LRIG1: variants seen among roughly 807,000 people sequenced by gnomAD.
LRIG1 encodes the protein leucine rich repeats and immunoglobulin like domains 1.
Under a neutral mutation model 99.2 loss-of-function variants are expected in LRIG1, and 48 were observed. That is an observed-to-expected ratio of 0.48 (90% CI 0.38 to 0.62). LRIG1 has a LOEUF of 0.62. Among genes scored for constraint, LRIG1 ranks in the 20% least tolerant of loss-of-function variants. The pLI, the probability that LRIG1 is intolerant of heterozygous loss-of-function variation, is 0.00. For missense variants in LRIG1, 1,646 were observed against 1,434.4 expected (o/e 1.15, Z -2.38); for synonymous variants, 772 against 596.1 (o/e 1.29, Z -4.30).
chr3:66,500,375 G>C lies in LRIG1; in HGVS notation c.33C>G (p.Ala11=). Residue 11 remains alanine, a synonymous_variant, in exon 1 of 19, where the codon GCC becomes GCG. Coordinates refer to ENST00000273261, the MANE Select transcript of LRIG1 (RefSeq NM_015541.3). ...GGAGAAGGCAAGGCGAGCGGCGCGG[G>C]GCCCCGAGCCCTCCCCGGACCGGCC... MARPVRGGLG[A]PRRSPCLLLL... 1 of 1,474,130 alleles carries C rather than the reference G, an allele frequency of 6.8e-7. No individual in the cohort carries two copies. Among genetic ancestry groups the C allele is most frequent in the Middle Eastern group, 2.0e-4 (1 of 5,014 alleles). 91.3% of individuals were successfully genotyped at this position (1,474,130 alleles called of 1,614,324 possible). A position where few individuals can be genotyped will look rare whatever the true frequency, so the allele number is the denominator to read the frequency against.
chr3:66,461,986 T>G (rs1700364371), intron 2 of LRIG1, among the ~76,000 whole-genome samples: 1 of 152,162 alleles, frequency 6.6e-6, no homozygotes, highest in African/African-American at 2.4e-5. Flanking sequence ...CTGATTAACC[T>G]GTAATCCCAG....
chr3:66,401,572 C>T, intron 9 of LRIG1: 2 of 1,361,414 alleles, frequency 1.5e-6, no homozygotes, highest in Non-Finnish European at 2.0e-6. Context: ...TATGCAGGGG[C>T]TAATCATCTT....
intron 4 of LRIG1, among the ~76,000 whole-genome samples, chr3:66,416,423 C>T (rs532610950): frequency 6.6e-6 from 1 of 152,288 alleles, no homozygotes; most frequent in African/African-American, 2.4e-5. Flanking sequence ...TAATGACACA[C>T]GGAATGAAAA....
chr3:66,459,371 T>C (rs574983899), intron 2 of LRIG1, among the ~76,000 whole-genome samples: 12 of 152,316 alleles, frequency 7.9e-5, no homozygotes, highest in East Asian at 1.9e-4. Flanking sequence ...CCCTGATAGA[T>C]AGGGGTCAGT....
intron 4 of LRIG1, 66 bp from the exon 5 acceptor site, chr3:66,415,129 C>T: frequency 2.0e-6 from 3 of 1,489,954 alleles, no homozygotes. Flanking sequence ...ATTATAGACA[C>T]CAGACCTCTC....
At chr3:66,455,520 G>A (rs1194710620) in intron 2 of LRIG1, among the ~76,000 whole-genome samples, 1 of 152,166 alleles carries the variant, frequency 6.6e-6, no homozygotes, top group Non-Finnish European at 1.5e-5. Context: ...TTTAACTGGT[G>A]GCACAGTAGT....
At chr3:66,385,925 A>G in intron 13 of LRIG1, 56 bp downstream of exon 13, 1 of 1,492,474 alleles carries the variant, frequency 6.7e-7, no homozygotes, top group African/African-American at 1.4e-5. Flanking sequence ...TGAAAGGGCA[A>G]TCAGGAGTGT....
intron 3 of LRIG1, among the ~76,000 whole-genome samples, chr3:66,424,176 T>G (rs1216693324): frequency 6.6e-6 from 1 of 152,146 alleles, no homozygotes; most frequent in Non-Finnish European, 1.5e-5. Flanking sequence ...CTGCAACTTC[T>G]GCAGGATTCA....
At chr3:66,439,688 T>C (rs1262249006) in intron 3 of LRIG1, among the ~76,000 whole-genome samples, 2 of 152,132 alleles carry the variant, frequency 1.3e-5, no homozygotes, top group African/African-American at 2.4e-5. Flanking sequence ...TCCACCATCA[T>C]GGTGGGACAT....
intron 15 of LRIG1, 33 bp from the exon 16 acceptor site, chr3:66,382,431 G>A (rs760264912): frequency 1.4e-5 from 23 of 1,613,580 alleles, no homozygotes; most frequent in Non-Finnish European, 1.9e-5. Flanking sequence ...GAACACCAGG[G>A]TCTCAGTGAC....
At chr3:66,465,107 A>T (rs1301578793) in intron 1 of LRIG1, among the ~76,000 whole-genome samples, 1 of 152,126 alleles carries the variant, frequency 6.6e-6, no homozygotes, top group Non-Finnish European at 1.5e-5. Flanking sequence ...CTCTCAGAGC[A>T]CCTGTTGGCA....
intron 1 of LRIG1, among the ~76,000 whole-genome samples, chr3:66,489,517 TTGTG>T (rs1221707067): frequency 7.9e-5 from 5 of 63,102 alleles, no homozygotes; most frequent in Non-Finnish European, 1.5e-4. Flanking sequence ...GTGGGACCCT[TTGTG>T]TGTATGTGTG....
intron 1 of LRIG1, among the ~76,000 whole-genome samples, chr3:66,486,359 T>G (rs116715436): frequency 0.019 from 2,838 of 152,236 alleles, 75 homozygotes; most frequent in East Asian, 0.049. Context: ...GCCCCAGAGC[T>G]GCCTCTTAAC....
Position 66,451,562 on chromosome 3 carries a change from AAG to A in LRIG1, c.360_361del (p.Phe121SerfsTer63), listed in dbSNP as rs1703905436. On this transcript the variant is annotated frameshift_variant, in exon 3 of 19. Coordinates refer to ENST00000273261, the MANE Select transcript of LRIG1 (RefSeq NM_015541.3). LOFTEE classifies it high-confidence loss of function. The stretch of plus-strand genomic sequence containing the variant: ...TCCCCCAAACGGCACCACTTACAGA[AAG>A]AGAGAGACGACATGTGATGAAGCAG... 1 of 1,614,030 alleles carries A rather than the reference AAG, an allele frequency of 6.2e-7. No individual in the cohort carries two copies. Among genetic ancestry groups the A allele is most frequent in the African/African-American group, 1.3e-5 (1 of 74,996 alleles).
rs1701319254 is a variant in LRIG1, at chr3:66,500,001, T to TC, written c.218+188dup. 5.3e-5 allele frequency among the ~76,000 whole-genome samples: 8 copies of TC among 151,008 alleles called. No homozygotes were observed. In the South Asian group the frequency reaches 1.7e-3, roughly 32 times the overall value. On this transcript the variant is annotated intron_variant, in intron 1 of 18. Coordinates refer to ENST00000273261, the MANE Select transcript of LRIG1 (RefSeq NM_015541.3). ...TCTCCAGGCTCTCTCGCACGCCTAC[T>TC]CCCCCGGACCTCCACGCAGAATCTC...
At chr3:66,480,835 T>C (rs1315948751) in intron 1 of LRIG1, among the ~76,000 whole-genome samples, 1 of 152,088 alleles carries the variant, frequency 6.6e-6, no homozygotes, top group Non-Finnish European at 1.5e-5. Flanking sequence ...CATTCAAAAA[T>C]TAAGACCAAG....
intron 3 of LRIG1, among the ~76,000 whole-genome samples, chr3:66,442,990 G>A (rs1703593690): frequency 6.6e-6 from 1 of 152,140 alleles, no homozygotes; most frequent in African/African-American, 2.4e-5. Flanking sequence ...GGAAAGAAAA[G>A]AGAGAAGGAA....
At chr3:66,396,936 C>T (rs1239648487) in intron 11 of LRIG1, among the ~76,000 whole-genome samples, 1 of 152,154 alleles carries the variant, frequency 6.6e-6, no homozygotes, top group Non-Finnish European at 1.5e-5. Context: ...CTCCCCTGCT[C>T]TGGAAGGAGA....
chr3:66,495,699 C>T (rs745513216), intron 1 of LRIG1, among the ~76,000 whole-genome samples: 3 of 152,220 alleles, frequency 2.0e-5, no homozygotes, highest in Non-Finnish European at 4.4e-5. Context: ...TTTAAACAAC[C>T]TCCACCCAGC....
Sources: allele counts gnomAD v4.1 joint callset (sites outside exome capture counted in the v4.1 genomes callset), GRCh38; gene constraint gnomAD v4.1.1; transcripts MANE v1.5; gene names NCBI Gene and HGNC (gene_info 2026-07-23, HGNC 2026-07-21).